EPHA7: variants seen among roughly 807,000 people sequenced by gnomAD.
The protein encoded by EPHA7 is ephrin type-A receptor 7.
Under a neutral mutation model 112.6 loss-of-function variants are expected in EPHA7, and 25 were observed. That is an observed-to-expected ratio of 0.22 (90% CI 0.16 to 0.31). The LOEUF (loss-of-function observed/expected upper bound fraction) is 0.31. EPHA7 is among the 10% of genes least tolerant of loss of function. The pLI is 1.00. For missense variants in EPHA7, 962 were observed against 1,212.6 expected, an observed-to-expected ratio of 0.79 and a Z score of 3.07; for synonymous variants, 437 against 406.5, an observed-to-expected ratio of 1.07 and a Z score of -0.90.
chr6:93,400,227 T>A (rs1376431626), intron 3 of EPHA7, among the ~76,000 whole-genome samples: 1 of 152,106 alleles, frequency 6.6e-6, no homozygotes, highest in African/African-American at 2.4e-5. Context: ...ATATATTAGG[T>A]TAATGTCATT....
chr6:93,281,037 C>G (rs897847874), intron 5 of EPHA7, among the ~76,000 whole-genome samples: 3 of 152,082 alleles, frequency 2.0e-5, no homozygotes, highest in Non-Finnish European at 2.9e-5. Context: ...CCAGCACTCT[C>G]CATAATAAAT....
At chr6:93,315,177 T>A (rs1344792670) in intron 5 of EPHA7, among the ~76,000 whole-genome samples, 2 of 152,124 alleles carry the variant, frequency 1.3e-5, no homozygotes, top group Admixed American at 1.3e-4. Context: ...TATAATTTTC[T>A]TAAATAAAAT....
intron 3 of EPHA7, among the ~76,000 whole-genome samples, chr6:93,383,254 A>G (rs1215479632): frequency 7.3e-6 from 1 of 137,500 alleles, no homozygotes; most frequent in East Asian, 2.1e-4. Flanking sequence ...AATGACTTAT[A>G]TTGGAACTCG....
At chr6:93,372,570 T>C (rs992737453) in intron 3 of EPHA7, among the ~76,000 whole-genome samples, 2 of 152,150 alleles carry the variant, frequency 1.3e-5, no homozygotes, top group Non-Finnish European at 2.9e-5. Context: ...TGCTATAAAA[T>C]ATTTCACAAA....
intron 5 of EPHA7, among the ~76,000 whole-genome samples, chr6:93,294,957 T>C (rs961312694): frequency 9.9e-5 from 15 of 152,116 alleles, no homozygotes; most frequent in African/African-American, 3.6e-4. Context: ...AAGTTTTGAA[T>C]TGACTTTTTC....
intron 3 of EPHA7, among the ~76,000 whole-genome samples, chr6:93,396,913 AAT>A (rs1462441401): frequency 1.3e-5 from 2 of 151,788 alleles, no homozygotes; most frequent in East Asian, 1.9e-4. Flanking sequence ...TGTAGAGAAA[AAT>A]ATATGATAAT....
At chr6:93,372,389 C>T (rs925349334) in intron 3 of EPHA7, among the ~76,000 whole-genome samples, 3 of 152,026 alleles carry the variant, frequency 2.0e-5, no homozygotes, top group African/African-American at 4.8e-5. Context: ...CATTTTTCAA[C>T]ATGATTATTT....
At chr6:93,253,022 G>GT (rs1770282613) in intron 14 of EPHA7, among the ~76,000 whole-genome samples, 1 of 151,876 alleles carries the variant, frequency 6.6e-6, no homozygotes, top group African/African-American at 2.4e-5. Context: ...TCCATTATTT[G>GT]TTTTTGGAAG....
At chr6:93,330,082 A>G (rs1774518061) in intron 5 of EPHA7, among the ~76,000 whole-genome samples, 1 of 151,358 alleles carries the variant, frequency 6.6e-6, no homozygotes, top group Non-Finnish European at 1.5e-5. Context: ...TTGTTATACA[A>G]TGTCAAACAT....
chr6:93,253,473 C>T (rs1770305907), intron 14 of EPHA7, among the ~76,000 whole-genome samples: 1 of 151,782 alleles, frequency 6.6e-6, no homozygotes, highest in Admixed American at 6.6e-5. Context: ...TGTTAGTTGT[C>T]TAAAAATCAC....
intron 3 of EPHA7, among the ~76,000 whole-genome samples, chr6:93,406,534 AAC>A (rs1447235760): frequency 1.3e-5 from 2 of 151,902 alleles, no homozygotes; most frequent in East Asian, 3.9e-4. Context: ...TGAATTGGTA[AAC>A]AGGATTTTTG....
chr6:93,365,325 G>A (rs532544296), intron 3 of EPHA7, among the ~76,000 whole-genome samples: 12 of 152,152 alleles, frequency 7.9e-5, no homozygotes, highest in Non-Finnish European at 1.5e-4. Flanking sequence ...ACATACAAAC[G>A]TAGTTAAGAA....
At chr6:93,413,764 T>A in intron 2 of EPHA7, among the ~76,000 whole-genome samples, 1 of 151,958 alleles carries the variant, frequency 6.6e-6, no homozygotes. Context: ...TTTACATTCT[T>A]AAACTTTCAG....
rs200025945 is a variant in EPHA7, at chr6:93,410,909, G to T, written c.424C>A (p.Leu142Ile). 1 of 1,613,902 alleles carries T rather than the reference G, an allele frequency of 6.2e-7. No homozygotes were observed. Among genetic ancestry groups the T allele is most frequent in the African/African-American group, 1.3e-5 (1 of 74,984 alleles). Residue 142 changes from leucine to isoleucine, a missense_variant, in exon 3 of 17, where the codon CTC becomes ATC. By Grantham distance (5) the Leu-to-Ile change is conservative. Coordinates refer to ENST00000369303, the MANE Select transcript of EPHA7 (RefSeq NM_004440.4). This position sits in a 1 kb window ranked among gnomAD's most constrained non-coding sequence, Gnocchi z 4.0. Reference sequence around the variant, plus strand: ...GCAATGGTGTCTATTTTTACATAGAGGTTTTCTCTTATATTCCTGCCAGTG... The same window carrying T: ...GCAATGGTGTCTATTTTTACATAGATGTTTTCTCTTATATTCCTGCCAGTG... ...YDTGRNIREN[L>I]YVKIDTIAAD...
intron 3 of EPHA7, among the ~76,000 whole-genome samples, chr6:93,373,151 T>C (rs1264095872): frequency 2.6e-5 from 4 of 151,970 alleles, no homozygotes; most frequent in African/African-American, 7.2e-5. Context: ...TCAATAATTA[T>C]AGTAATATAT....
intron 5 of EPHA7, among the ~76,000 whole-genome samples, chr6:93,335,092 C>A (rs1774796839): frequency 6.6e-6 from 1 of 152,030 alleles, no homozygotes; most frequent in South Asian, 2.1e-4. Context: ...TAACTTCTCT[C>A]AGCATTTGGA....
chr6:93,283,920 A>G (rs948179376), intron 5 of EPHA7, among the ~76,000 whole-genome samples: 1 of 152,212 alleles, frequency 6.6e-6, no homozygotes, highest in East Asian at 1.9e-4. Flanking sequence ...TACAATTTAA[A>G]GTTTTGGAAA....
chr6:93,403,600 TG>T (rs895436627), intron 3 of EPHA7, among the ~76,000 whole-genome samples: 6 of 150,358 alleles, frequency 4.0e-5, no homozygotes, highest in African/African-American at 1.5e-4. Flanking sequence ...TGATCTACTA[TG>T]GTTGCACCTG....
intron 3 of EPHA7, among the ~76,000 whole-genome samples, chr6:93,371,322 TAAC>T (rs1562132578): frequency 6.6e-6 from 1 of 152,094 alleles, no homozygotes; most frequent in East Asian, 1.9e-4. Context: ...CAACACAATA[TAAC>T]AACTACATGC....
Sources: gnomAD v4.1 joint callset for allele counts (sites outside exome capture counted in the v4.1 genomes callset) on GRCh38, gnomAD v4.1.1 for gene constraint, Gnocchi (gnomAD v3.1) non-coding constraint, MANE v1.5 for transcripts, NCBI Gene and HGNC (gene_info 2026-07-23, HGNC 2026-07-21) for gene names.